KLHL4: variants seen among roughly 807,000 people sequenced by gnomAD.
The protein encoded by KLHL4 is kelch like family member 4.
A neutral mutation model predicts 45.8 loss-of-function variants in KLHL4; 17 were observed. The observed-to-expected ratio is 0.37, with a 90% CI of 0.25 to 0.56. The LOEUF is 0.56. KLHL4 is among the 20% of genes least tolerant of loss of function. KLHL4 has a pLI of 0.79. For synonymous variants in KLHL4, 224 were observed against 189.9 expected (o/e 1.18, Z -1.47); for missense variants, 544 against 544.9 (o/e 1.00, Z 0.02).
chrX:87,572,806 A>AG (rs199603780), intron 1 of KLHL4, among the ~76,000 whole-genome samples: 1 of 93,861 alleles, frequency 1.1e-5, no homozygotes, highest in Admixed American at 1.3e-4. Flanking sequence ...AAAAAAAAAA[A>AG]CTAGGAAGGA....
chrX:87,634,003 A>G (rs889070777), intron 8 of KLHL4, 92 bp downstream of exon 8: 2 of 713,261 alleles, frequency 2.8e-6, no homozygotes, highest in African/African-American at 4.3e-5. Flanking sequence ...TAGCATTCCA[A>G]ATAACCTGGA....
intron 9 of KLHL4, among the ~76,000 whole-genome samples, chrX:87,649,668 T>A (rs1923744682): frequency 8.9e-6 from 1 of 111,939 alleles, no homozygotes; most frequent in African/African-American, 3.2e-5. Flanking sequence ...CCTTCAGGCC[T>A]TTGACCCATT....
At chrX:87,615,860 T>C (rs1038148821) in intron 3 of KLHL4, among the ~76,000 whole-genome samples, 2 of 111,067 alleles carry the variant, frequency 1.8e-5, no homozygotes, top group Non-Finnish European at 3.8e-5. Context: ...TGGAGTTCCT[T>C]TTGGGAGTGG....
At chrX:87,648,827 T>C (rs1300795510) in intron 9 of KLHL4, among the ~76,000 whole-genome samples, 1 of 111,165 alleles carries the variant, frequency 9.0e-6, no homozygotes, top group Admixed American at 9.7e-5. Context: ...TATTAAGAGA[T>C]GCAACTTATT....
At chrX:87,583,974 G>T (rs1290635633) in intron 1 of KLHL4, among the ~76,000 whole-genome samples, 1 of 111,438 alleles carries the variant, frequency 9.0e-6, no homozygotes, top group Non-Finnish European at 1.9e-5. Flanking sequence ...AATGGTGCTT[G>T]TGTCATTTCA....
chrX:87,635,697 A>G lies in KLHL4; in HGVS notation c.1847A>G (p.Asn616Ser), dbSNP rs770219464. The G allele has an allele frequency of 1.1e-5, 13 of 1,208,971 alleles. No homozygotes were observed. The highest frequency in any genetic ancestry group is 1.7e-5 in the African/African-American group (1 of 57,311). ...RRGGVGVATY[N>S]GFLYVVGGHD... ...GGAGGTGTGGGAGTTGCCACATACAATGGATTCTTATATGTTGTAGGGGGG... is the reference window on the plus strand; with the variant it reads ...GGAGGTGTGGGAGTTGCCACATACAGTGGATTCTTATATGTTGTAGGGGGG... Residue 616 changes from asparagine to serine, a missense_variant, in exon 9 of 11, where the codon AAT becomes AGT. Physicochemically the swap from Asn to Ser is conservative, Grantham distance 46. Transcript: ENST00000373119.
Position 87,573,347 on chromosome X carries a change from C to T in KLHL4, c.423-40530C>T, listed in dbSNP as rs1052342877. Reference sequence around the variant, plus strand: ...AATTGATTTTGAAATACTATATAGACAATGAGATTAAGAGGTGAAAAAGAT... The same window carrying T: ...AATTGATTTTGAAATACTATATAGATAATGAGATTAAGAGGTGAAAAAGAT... On this transcript the variant is annotated intron_variant, in intron 1 of 10. Transcript: ENST00000373119. Among the ~76,000 whole-genome samples, 6 of 110,455 alleles carry T rather than the reference C, an allele frequency of 5.4e-5. No homozygotes were observed. The East Asian group carries it at 1.4e-3, about 26-fold the overall frequency.
intron 1 of KLHL4, among the ~76,000 whole-genome samples, chrX:87,606,438 A>T (rs1922199869): frequency 9.0e-6 from 1 of 111,528 alleles, no homozygotes; most frequent in African/African-American, 3.3e-5. Flanking sequence ...GAAATTAAGA[A>T]TTGGTTATTT....
At chrX:87,591,236 T>C (rs1219521166) in intron 1 of KLHL4, among the ~76,000 whole-genome samples, 2 of 111,995 alleles carry the variant, frequency 1.8e-5, no homozygotes, top group Non-Finnish European at 3.8e-5. Flanking sequence ...TTCCCAACAT[T>C]AGTGATGTTA....
At chrX:87,634,662 C>G (rs193189544) in intron 8 of KLHL4, among the ~76,000 whole-genome samples, 1 of 111,849 alleles carries the variant, frequency 8.9e-6, no homozygotes, top group Non-Finnish European at 1.9e-5. Context: ...AAAATGTCAA[C>G]GCATTGTTTT....
Position 87,669,563 on chromosome X carries a change from A to G in KLHL4, c.*3029A>G. Reference sequence around the variant, plus strand: ...CTCTGGATTTTATTTTAAGTTCTCTAACAAGACTCCTACCTTGAGATCTTA... The same window carrying G: ...CTCTGGATTTTATTTTAAGTTCTCTGACAAGACTCCTACCTTGAGATCTTA... On this transcript the variant is annotated 3_prime_UTR_variant, in exon 11 of 11. Transcript: ENST00000373119. The G allele has an allele frequency of 1.9e-6, 1 of 530,492 alleles. No individual in the cohort carries two copies. The highest frequency in any genetic ancestry group is 4.9e-5 in the Admixed American group (1 of 20,464). 43.7% of individuals were successfully genotyped at this position (530,492 alleles called of 1,213,427 possible).
At chrX:87,561,016 A>G (rs1384539766) in intron 1 of KLHL4, among the ~76,000 whole-genome samples, 1 of 111,497 alleles carries the variant, frequency 9.0e-6, no homozygotes, top group Non-Finnish European at 1.9e-5. Context: ...TGGATTAAAG[A>G]CCAAAACATA....
rs1198589849 is a variant in KLHL4, at chrX:87,669,543, G to T, written c.*3009G>T. The T allele has an allele frequency of 1.5e-6, 1 of 650,963 alleles. No homozygotes were observed. The highest frequency in any genetic ancestry group is 4.8e-5 in the South Asian group (1 of 20,879). The allele number at this position is 650,963 out of a possible 1,213,427, so 53.6% of individuals were successfully genotyped here. ...TAGAAAAAAAAACCCTGTGACTCTGGATTTTATTTTAAGTTCTCTAACAAG... is the reference window on the plus strand; with the variant it reads ...TAGAAAAAAAAACCCTGTGACTCTGTATTTTATTTTAAGTTCTCTAACAAG... On this transcript the variant is annotated 3_prime_UTR_variant, in exon 11 of 11. Coordinates refer to ENST00000373119, the MANE Select transcript of KLHL4 (RefSeq NM_019117.5).
At chrX:87,519,126 C>T (rs1369277369) in intron 1 of KLHL4, among the ~76,000 whole-genome samples, 2 of 111,820 alleles carry the variant, frequency 1.8e-5, no homozygotes, top group Non-Finnish European at 3.8e-5. Context: ...CCTAGTGTAT[C>T]CTTATCTCTT....
chrX:87,652,662 A>G (rs148062621), intron 9 of KLHL4, among the ~76,000 whole-genome samples: 5,198 of 111,683 alleles, frequency 0.047, 268 homozygotes, highest in African/African-American at 0.16. Flanking sequence ...TTCTATCAGC[A>G]TTTGGGGCAA....
chrX:87,570,060 A>C (rs1473123477), intron 1 of KLHL4, among the ~76,000 whole-genome samples: 1 of 111,357 alleles, frequency 9.0e-6, no homozygotes, highest in East Asian at 2.8e-4. Context: ...TAGATAAGTA[A>C]TGTACTAGAT....
chrX:87,567,952 C>T (rs1932248851), intron 1 of KLHL4, among the ~76,000 whole-genome samples: 1 of 110,608 alleles, frequency 9.0e-6, no homozygotes, highest in African/African-American at 3.3e-5. Context: ...CTCCCTGAAT[C>T]TAAAATAAAA....
At chrX:87,627,228 A>G (rs1922958675) in intron 6 of KLHL4, among the ~76,000 whole-genome samples, 1 of 111,390 alleles carries the variant, frequency 9.0e-6, no homozygotes, top group Non-Finnish European at 1.9e-5. Context: ...AGTGTGCATA[A>G]GGCATGGGAG....
At chrX:87,567,708 G>GA (rs1234970343) in intron 1 of KLHL4, among the ~76,000 whole-genome samples, 2 of 111,401 alleles carry the variant, frequency 1.8e-5, no homozygotes, top group African/African-American at 6.5e-5. Flanking sequence ...TGCAGAAACA[G>GA]AAAATTAAAT....
Sources: gnomAD v4.1 joint callset for allele counts (sites outside exome capture counted in the v4.1 genomes callset) on GRCh38, gnomAD v4.1.1 for gene constraint, MANE v1.5 for transcripts, NCBI Gene and HGNC (gene_info 2026-07-23, HGNC 2026-07-21) for gene names.